The following SH3GLB1 variants were observed in gnomAD, a reference collection of about 807,000 sequenced individuals.
SH3GLB1 encodes the protein SH3 domain containing GRB2 like, endophilin B1, also known as endophilin-B1.
In SH3GLB1, 17 loss-of-function variants were observed where a neutral mutation model predicts 42.0. That is an observed-to-expected ratio of 0.40 (90% CI 0.28 to 0.61). The LOEUF (loss-of-function observed/expected upper bound fraction) is 0.61. Ranked by LOEUF, SH3GLB1 falls within the 20% of genes least tolerant of loss-of-function variation. The pLI is 0.36. For missense variants in SH3GLB1, 355 were observed against 426.3 expected (o/e 0.83, Z 1.47); for synonymous variants, 132 against 146.6 (o/e 0.90, Z 0.72).
chr1:86,716,457 G>A (rs1654541566), intron 2 of SH3GLB1, among the ~76,000 whole-genome samples: 1 of 151,904 alleles, frequency 6.6e-6, no homozygotes, highest in African/African-American at 2.4e-5. Context: ...TTTTGTGTGT[G>A]TGTCTTTAGT....
At chr1:86,728,825 A>AGT (rs1301697095) in intron 5 of SH3GLB1, among the ~76,000 whole-genome samples, 7 of 152,156 alleles carry the variant, frequency 4.6e-5, no homozygotes, top group African/African-American at 1.7e-4. Flanking sequence ...TACTTAAAGA[A>AGT]AGGTGTAAGG....
chr1:86,726,111 A>G (rs1655180580), intron 5 of SH3GLB1, among the ~76,000 whole-genome samples: 1 of 152,120 alleles, frequency 6.6e-6, no homozygotes. Context: ...TAGAAATTTC[A>G]TACTCAGGAA....
At chr1:86,716,223 G>T (rs1039976344) in intron 2 of SH3GLB1, among the ~76,000 whole-genome samples, 1 of 151,942 alleles carries the variant, frequency 6.6e-6, no homozygotes, top group African/African-American at 2.4e-5. Flanking sequence ...GCTTAAGTAG[G>T]TACCATTTTT....
In SH3GLB1 at chr1:86,744,582, C is replaced by G. The variant is rs1359417304; in HGVS notation, c.*1347C>G. The G allele has an allele frequency of 2.6e-5, 4 of 152,110 alleles. No individual in the cohort carries two copies. The highest frequency in any genetic ancestry group is 4.4e-5 in the Non-Finnish European group (3 of 68,010). The allele number at this position is 152,110 out of a possible 1,614,324, so 9.4% of individuals were successfully genotyped here. A position where few individuals can be genotyped will look rare whatever the true frequency, so the allele number is the denominator to read the frequency against. On this transcript the variant is annotated 3_prime_UTR_variant, in exon 9 of 9. Coordinates refer to ENST00000370558, the MANE Select transcript of SH3GLB1 (RefSeq NM_016009.5). ...ATAAAAAGATGTGTAACCAAGATAGCATAGCACATTCTGACAACTAAAGCA... is the reference window on the plus strand; with the variant it reads ...ATAAAAAGATGTGTAACCAAGATAGGATAGCACATTCTGACAACTAAAGCA...
At position 86,747,440 on chromosome 1, in the gene SH3GLB1, A is replaced by C. The variant is rs1189854123; in HGVS notation, c.*4205A>C. 3 of 152,220 alleles carry C rather than the reference A, an allele frequency of 2.0e-5. No individual in the cohort carries two copies. The highest frequency in any genetic ancestry group is 4.4e-5 in the Non-Finnish European group (3 of 68,038). 9.4% of individuals were successfully genotyped at this position (152,220 alleles called of 1,614,324 possible). On this transcript the variant is annotated 3_prime_UTR_variant, in exon 9 of 9. Coordinates refer to ENST00000370558, the MANE Select transcript of SH3GLB1 (RefSeq NM_016009.5). ...ATAGAACTAAGAGAACATTCATTTC[A>C]CCTTCAGGCCTATTCTCTGACATCA... is the stretch of plus-strand genomic sequence containing the variant.
At chr1:86,724,939 A>G (rs1386751149) in intron 5 of SH3GLB1, among the ~76,000 whole-genome samples, 1 of 142,316 alleles carries the variant, frequency 7.0e-6, no homozygotes, top group African/African-American at 2.6e-5. Flanking sequence ...ATGTGTGTGT[A>G]TATATATAAA....
At chr1:86,742,466 A>G in intron 8 of SH3GLB1, 30 bp downstream of exon 8, 2 of 1,518,738 alleles carry the variant, frequency 1.3e-6, no homozygotes, top group South Asian at 1.1e-5. Context: ...GAAGGAAAAT[A>G]TATCACGAAT....
chr1:86,725,086 ATCG>A (rs1489726730), intron 5 of SH3GLB1, among the ~76,000 whole-genome samples: 4 of 150,564 alleles, frequency 2.7e-5, no homozygotes, highest in East Asian at 1.9e-4. Flanking sequence ...TTTTTTAAAT[ATCG>A]TCAGTGGTCG....
At chr1:86,737,666 A>C (rs914569655) in intron 7 of SH3GLB1, among the ~76,000 whole-genome samples, 5 of 152,204 alleles carry the variant, frequency 3.3e-5, no homozygotes, top group African/African-American at 9.7e-5. Context: ...TAAAATAATC[A>C]AAATTCCTGC....
intron 5 of SH3GLB1, among the ~76,000 whole-genome samples, chr1:86,726,653 C>T (rs1005177058): frequency 4.6e-5 from 7 of 151,836 alleles, no homozygotes; most frequent in Admixed American, 4.6e-4. Context: ...ACAGGAAGTT[C>T]GATTTCCTGA....
Position 86,734,678 on chromosome 1 carries a change from T to G in SH3GLB1, c.647T>G (p.Ile216Ser). The change falls in exon 6 of 9, where the codon ATC becomes AGC. Residue 216 changes from isoleucine (I) to serine (S), a missense_variant. By Grantham distance (142) the Ile-to-Ser change is moderately radical (BLOSUM62 -2). Coordinates refer to ENST00000370558, the MANE Select transcript of SH3GLB1 (RefSeq NM_016009.5). ...ATTACCAGACTTCTGCTAGAGGGAATCAGCAGTACACATGTGAGTATTCAT... is the reference window on the plus strand; with the variant it reads ...ATTACCAGACTTCTGCTAGAGGGAAGCAGCAGTACACATGTGAGTATTCAT... ...AEITRLLLEG[I>S]SSTHAHHLRC... The G allele has an allele frequency of 6.2e-7, 1 of 1,611,794 alleles. No individual in the cohort carries two copies. Among genetic ancestry groups the G allele is most frequent in the Non-Finnish European group, 8.5e-7 (1 of 1,178,054 alleles).
chr1:86,733,784 TCTTCC>T (rs557587255), intron 5 of SH3GLB1, among the ~76,000 whole-genome samples: 8 of 152,342 alleles, frequency 5.3e-5, no homozygotes, highest in African/African-American at 1.9e-4. Flanking sequence ...TATTTACATC[TCTTCC>T]CAGCTCCACA....
intron 5 of SH3GLB1, among the ~76,000 whole-genome samples, chr1:86,729,866 C>T (rs115924724): frequency 0.025 from 3,761 of 151,932 alleles, 71 homozygotes; most frequent in Non-Finnish European, 0.041. Context: ...GTAGATTTAA[C>T]ATAAGATTTT....
At chr1:86,724,892 A>AAAAAATAT (rs1291454820) in intron 5 of SH3GLB1, among the ~76,000 whole-genome samples, 1 of 99,700 alleles carries the variant, frequency 1.0e-5, no homozygotes, top group Non-Finnish European at 1.8e-5. Context: ...AAAAAAAAAA[A>AAAAAATAT]ATATATATAT....
chr1:86,735,195 T>G lies in SH3GLB1; in HGVS notation c.761+16T>G. The G allele has an allele frequency of 6.4e-7, 1 of 1,559,142 alleles. No homozygotes were observed. Among genetic ancestry groups the G allele is most frequent in the South Asian group, 1.1e-5 (1 of 89,702 alleles). On this transcript the variant is annotated intron_variant, in intron 7 of 8. Transcript: ENST00000370558. ...AACTGGGAAGGTGATAATTTACTTT[T>G]CACATGTAAAGAGGAGAAATTCAGA...
At chr1:86,707,253 C>T (rs1252861811) in intron 1 of SH3GLB1, among the ~76,000 whole-genome samples, 1 of 152,116 alleles carries the variant, frequency 6.6e-6, no homozygotes, top group Admixed American at 6.5e-5. Flanking sequence ...GGATGAAATT[C>T]AAGAGACCTC....
Position 86,743,315 on chromosome 1 carries a change from C to A in SH3GLB1, c.*80C>A. 1.1e-6 allele frequency: 1 copy of A among 928,384 alleles called. No homozygotes were observed. Among genetic ancestry groups the A allele is most frequent in the Non-Finnish European group, 1.6e-6 (1 of 638,846 alleles). The allele number at this position is 928,384 out of a possible 1,614,324, so 57.5% of individuals were successfully genotyped here. On this transcript the variant is annotated 3_prime_UTR_variant, in exon 9 of 9. Coordinates refer to ENST00000370558, the MANE Select transcript of SH3GLB1 (RefSeq NM_016009.5). ...ACTCTAAATAAAGCAGGTTAAGTAT[C>A]TTCCATGTTAATGTGTTAAGAGACT... is the stretch of plus-strand genomic sequence containing the variant.
chr1:86,718,042 G>GTT lies in SH3GLB1; in HGVS notation c.215-1451_215-1450dup, dbSNP rs34852185. On this transcript the variant is annotated intron_variant, in intron 2 of 8. Transcript: ENST00000370558. ...AGAATCAGAGTCAAAACACAAAGCT[G>GTT]TTTTTTTTTTTTTTTGAGACAGAGT... 3.7e-3 allele frequency among the ~76,000 whole-genome samples: 511 copies of GTT among 139,548 alleles called. 2 individuals carry two copies. Among genetic ancestry groups the GTT allele is most frequent in the East Asian group, 6.4e-3 (31 of 4,832 alleles). 91.5% of individuals were successfully genotyped at this position (139,548 alleles called of 152,430 possible).
chr1:86,734,655 T>C lies in SH3GLB1; in HGVS notation c.624T>C (p.Ile208=). 6.2e-7 allele frequency: 1 copy of C among 1,613,306 alleles called. No individual in the cohort carries two copies. Among genetic ancestry groups the C allele is most frequent in the Non-Finnish European group, 8.5e-7 (1 of 1,179,384 alleles). The change falls in exon 6 of 9, where the codon ATT becomes ATC. Residue 208 remains isoleucine (I), a synonymous_variant. Transcript: ENST00000370558. ...TQSEFDRQAE[I]TRLLLEGISS... ...GTGAATTTGATCGTCAAGCAGAGATTACCAGACTTCTGCTAGAGGGAATCA... is the reference window on the plus strand; with the variant it reads ...GTGAATTTGATCGTCAAGCAGAGATCACCAGACTTCTGCTAGAGGGAATCA...
Sources: allele counts gnomAD v4.1 joint callset (sites outside exome capture counted in the v4.1 genomes callset), GRCh38; gene constraint gnomAD v4.1.1; transcripts MANE v1.5; gene names NCBI Gene and HGNC (gene_info 2026-07-23, HGNC 2026-07-21).